Variants in C2CD3 observed in about 807,000 individuals in gnomAD.
C2CD3 encodes the protein C2 domain containing 3 centriole elongation regulator, also known as C2 domain-containing protein 3.
C2CD3 carries 148 observed loss-of-function variants against 234.0 expected under a neutral mutation model. The ratio of observed to expected loss-of-function variants is 0.63; its 90% confidence interval spans 0.55 to 0.72. C2CD3 has a LOEUF of 0.72. Ranked by LOEUF, C2CD3 falls within the 30% of genes least tolerant of loss-of-function variation. The probability of loss-of-function intolerance (pLI) is 0.00; values close to 1 mark genes in which losing one functional copy is unlikely to be tolerated. For synonymous variants in C2CD3, 1,000 were observed against 1,035.4 expected (o/e 0.97, Z 0.66); for missense variants, 2,577 against 2,811.5 (o/e 0.92, Z 1.89).
At chr11:74,050,283 G>A (rs796339966) in intron 26 of C2CD3, among the ~76,000 whole-genome samples, 43 of 152,242 alleles carry the variant, frequency 2.8e-4, no homozygotes, top group African/African-American at 1.0e-3. Context: ...ACAAAGTGAT[G>A]CAAATTAAAA....
At chr11:74,120,746 A>G (rs966185962) in intron 8 of C2CD3, among the ~76,000 whole-genome samples, 14 of 152,236 alleles carry the variant, frequency 9.2e-5, no homozygotes, top group African/African-American at 3.4e-4. Context: ...TCCCACTAAC[A>G]GTGTAAAAGC....
intron 24 of C2CD3, among the ~76,000 whole-genome samples, chr11:74,067,515 A>G (rs1954597321): frequency 1.3e-5 from 2 of 149,210 alleles, no homozygotes; most frequent in African/African-American, 5.2e-5. Context: ...AAGGCTAGTC[A>G]AGGGAAGCAG....
At chr11:74,042,024 T>A (rs547680444) in intron 29 of C2CD3, 30 bp downstream of exon 29, 1 of 1,610,694 alleles carries the variant, frequency 6.2e-7, no homozygotes, top group South Asian at 1.1e-5. Flanking sequence ...CCACTATGGT[T>A]TCCTGTGTCT....
chr11:74,168,387 G>T lies in C2CD3; in HGVS notation c.282C>A (p.Tyr94Ter). 6.2e-7 allele frequency: 1 copy of T among 1,613,848 alleles called. No individual in the cohort carries two copies. The highest frequency in any genetic ancestry group is 2.2e-5 in the East Asian group (1 of 44,880). Residue 94 changes from tyrosine (Y) to a stop codon, truncating the protein, a stop_gained, in exon 2 of 33, where the codon TAC becomes TAA. Transcript: ENST00000334126. LOFTEE classifies it high-confidence loss of function. ...ACTGTTTTGGACCACAACGAATAGC[G>T]TAACGTGTAGTTGTTCTCACAGCTT... ...EPKAVRTTTR[Y>*]AIRCGPKQFT... is the part of the protein sequence containing the mutation.
intron 7 of C2CD3, among the ~76,000 whole-genome samples, chr11:74,123,937 T>C (rs955678755): frequency 6.6e-6 from 1 of 152,126 alleles, no homozygotes; most frequent in East Asian, 1.9e-4. Context: ...GGTTTCACCA[T>C]GTTGGCCAGG....
At chr11:74,037,798 A>G in intron 29 of C2CD3, 100 bp from the exon 30 acceptor site, 1 of 853,476 alleles carries the variant, frequency 1.2e-6, no homozygotes, top group East Asian at 2.7e-5. Flanking sequence ...CAAAGCCTTA[A>G]TACCTCTCAC....
At chr11:74,117,913 CAAAAA>C (rs1262165951) in intron 9 of C2CD3, among the ~76,000 whole-genome samples, 1 of 65,978 alleles carries the variant, frequency 1.5e-5, no homozygotes, top group Non-Finnish European at 3.2e-5. Flanking sequence ...AACTCCGTCT[CAAAAA>C]AAAAAAAAAA....
intron 25 of C2CD3, among the ~76,000 whole-genome samples, chr11:74,056,452 G>A (rs826044): frequency 0.33 from 49,667 of 152,022 alleles, 10,567 homozygotes; most frequent in African/African-American, 0.61. Context: ...AGCCTCCCAA[G>A]GGAGACCTAA....
intron 27 of C2CD3, 110 bp from the exon 28 acceptor site, chr11:74,048,448 T>C: frequency 9.2e-7 from 1 of 1,090,698 alleles, no homozygotes; most frequent in Non-Finnish European, 1.3e-6. Context: ...ATTTACTGAA[T>C]ACTTTGTGTT....
At chr11:74,166,505 CAAG>C (rs1023060117) in intron 2 of C2CD3, among the ~76,000 whole-genome samples, 1 of 151,906 alleles carries the variant, frequency 6.6e-6, no homozygotes, top group African/African-American at 2.4e-5. Flanking sequence ...AATTAAGGCC[CAAG>C]AAGATGAAAT....
At chr11:74,070,449 CACTATTAAG>C (rs1239760259) in intron 24 of C2CD3, 3 of 152,210 alleles carry the variant, frequency 2.0e-5, no homozygotes, top group Non-Finnish European at 4.4e-5. Context: ...ACTCTGAGAA[CACTATTAAG>C]GCAAGAGGAA....
intron 31 of C2CD3, among the ~76,000 whole-genome samples, chr11:74,031,785 G>A (rs1298303721): frequency 2.6e-5 from 4 of 152,144 alleles, no homozygotes; most frequent in East Asian, 1.9e-4. Flanking sequence ...CTCCTCCATC[G>A]GCCATATTCT....
Position 74,032,333 on chromosome 11 carries a change from G to A in C2CD3, c.6809+1018C>T, listed in dbSNP as rs145484164. Among the ~76,000 whole-genome samples the A allele has an allele frequency of 3.6e-4, 55 of 152,262 alleles. 1 individual carries two copies. In the East Asian group the frequency reaches 8.5e-3, roughly 24 times the overall value. On this transcript the variant is annotated intron_variant, in intron 31 of 32. Coordinates refer to ENST00000334126, the MANE Select transcript of C2CD3 (RefSeq NM_001286577.2). ...AAGCAGCCTGCTTCACCTGCCAGCC[G>A]TACAATATTCCCTGCTTGTTGGGAT...
chr11:74,070,484 G>A (rs1056935581), intron 24 of C2CD3: 2 of 152,246 alleles, frequency 1.3e-5, no homozygotes, highest in African/African-American at 4.8e-5. Flanking sequence ...GAAGTACAGA[G>A]TGTAGAATCA....
intron 5 of C2CD3, among the ~76,000 whole-genome samples, chr11:74,137,881 C>T (rs1004167225): frequency 2.0e-5 from 3 of 152,114 alleles, no homozygotes; most frequent in South Asian, 4.1e-4. Flanking sequence ...CCACCGTGCC[C>T]GGCCCGTGTA....
intron 7 of C2CD3, among the ~76,000 whole-genome samples, 169 bp downstream of exon 7, chr11:74,132,675 G>A (rs895686362): frequency 1.3e-5 from 2 of 152,190 alleles, no homozygotes; most frequent in African/African-American, 4.8e-5. Context: ...AAAAGTAAAG[G>A]GCTAAAGTAT....
intron 3 of C2CD3, among the ~76,000 whole-genome samples, chr11:74,144,559 CACAGT>C (rs1590930017): frequency 6.6e-6 from 1 of 152,140 alleles, no homozygotes; most frequent in Non-Finnish European, 1.5e-5. Flanking sequence ...AGGTACTAAG[CACAGT>C]ACCCGACAGG....
intron 24 of C2CD3, among the ~76,000 whole-genome samples, chr11:74,061,713 G>A (rs1002941048): frequency 1.3e-5 from 2 of 152,112 alleles, no homozygotes; most frequent in East Asian, 1.9e-4. Flanking sequence ...AAACTGCATC[G>A]ACTAACGAGC....
intron 9 of C2CD3, among the ~76,000 whole-genome samples, chr11:74,117,161 T>C (rs1372305263): frequency 4.6e-5 from 3 of 65,620 alleles, no homozygotes; most frequent in Non-Finnish European, 7.5e-5. Flanking sequence ...TATATGAATA[T>C]ATATATATGA....
Sources: gnomAD v4.1 joint callset for allele counts (sites outside exome capture counted in the v4.1 genomes callset) on GRCh38, gnomAD v4.1.1 for gene constraint, MANE v1.5 for transcripts, NCBI Gene and HGNC (gene_info 2026-07-23, HGNC 2026-07-21) for gene names.